KLF12: variants seen among roughly 807,000 people sequenced by gnomAD.
KLF12 encodes the protein KLF transcription factor 12, also known as Krueppel-like factor 12.
In KLF12, 9 loss-of-function variants were observed where a neutral mutation model predicts 37.8. That is an observed-to-expected ratio of 0.24 (90% CI 0.14 to 0.42). The LOEUF (loss-of-function observed/expected upper bound fraction) is 0.42, where lower values mean the gene tolerates loss of function less well. Among genes scored for constraint, KLF12 ranks in the 10% least tolerant of loss-of-function variants. KLF12 has a pLI of 1.00. For missense variants in KLF12, 411 were observed against 516.0 expected, an observed-to-expected ratio of 0.80 and a Z score of 1.97; for synonymous variants, 208 against 202.1, an observed-to-expected ratio of 1.03 and a Z score of -0.25.
At chr13:73,711,154 C>G (rs919195640) in intron 7 of KLF12, among the ~76,000 whole-genome samples, 1 of 152,140 alleles carries the variant, frequency 6.6e-6, no homozygotes, top group African/African-American at 2.4e-5. Context: ...TGGAAGCTAG[C>G]GGAGGTTGGT....
At chr13:73,843,348 AGGC>A (rs1375005744) in intron 4 of KLF12, among the ~76,000 whole-genome samples, 1 of 151,488 alleles carries the variant, frequency 6.6e-6, no homozygotes, top group East Asian at 1.9e-4. Context: ...CCTGTTGCCC[AGGC>A]TGAAGTGCAA....
At chr13:73,807,684 A>C (rs879358114) in intron 5 of KLF12, among the ~76,000 whole-genome samples, 1 of 152,220 alleles carries the variant, frequency 6.6e-6, no homozygotes, top group Non-Finnish European at 1.5e-5. Context: ...GTAGACTACT[A>C]CTAAGCTATG....
Position 73,969,029 on chromosome 13 carries a change from T to TA in KLF12, c.34-24960dup, listed in dbSNP as rs58954841. On this transcript the variant is annotated intron_variant, in intron 2 of 7. Coordinates refer to ENST00000377669, the MANE Select transcript of KLF12 (RefSeq NM_007249.5). The stretch of plus-strand genomic sequence containing the variant: ...CATCTCTCTCCCTTACCCCATACTT[T>TA]AAAAAAAAAAAAAAAACCTATAGCA... 5.5e-4 allele frequency among the ~76,000 whole-genome samples: 81 copies of TA among 147,688 alleles called. No individual in the cohort carries two copies. In the South Asian group the frequency reaches 8.6e-3, roughly 16 times the overall value.
chr13:73,995,822 C>T (rs1162906484), intron 1 of KLF12, among the ~76,000 whole-genome samples: 1 of 152,180 alleles, frequency 6.6e-6, no homozygotes, highest in East Asian at 1.9e-4. Context: ...TCTCTCTCAG[C>T]ATTATGTTAC....
intron 2 of KLF12, among the ~76,000 whole-genome samples, chr13:73,968,953 T>C (rs1013834002): frequency 2.0e-5 from 3 of 152,040 alleles, no homozygotes; most frequent in Non-Finnish European, 4.4e-5. Context: ...TAACCTCCGT[T>C]TGGATTTCCC....
chr13:73,686,526 T>G lies in KLF12; in HGVS notation c.*8964A>C, dbSNP rs754341946. On this transcript the variant is annotated 3_prime_UTR_variant, in exon 8 of 8. Transcript: ENST00000377669. ...AATGCAGAGGAAACTATTGGGAAAT[T>G]AGGTCTTTAGATAAACTGGAGAAAT... 1.3e-5 allele frequency: 2 copies of G among 152,632 alleles called. No individual in the cohort carries two copies. Among genetic ancestry groups the G allele is most frequent in the Non-Finnish European group, 2.9e-5 (2 of 68,026 alleles). 9.5% of individuals were successfully genotyped at this position (152,632 alleles called of 1,614,324 possible).
At chr13:74,066,464 C>T (rs969283798) in intron 1 of KLF12, among the ~76,000 whole-genome samples, 8 of 151,962 alleles carry the variant, frequency 5.3e-5, no homozygotes, top group Non-Finnish European at 1.5e-5. Flanking sequence ...GAGTTCAAGA[C>T]TAGCCTGGGC....
At chr13:73,933,141 A>G (rs1015321743) in intron 3 of KLF12, among the ~76,000 whole-genome samples, 1 of 152,194 alleles carries the variant, frequency 6.6e-6, no homozygotes, top group Non-Finnish European at 1.5e-5. Flanking sequence ...AGACAAGCAC[A>G]TGAAACTATT....
intron 7 of KLF12, among the ~76,000 whole-genome samples, chr13:73,699,279 G>C (rs936558597): frequency 6.7e-5 from 10 of 149,332 alleles, no homozygotes; most frequent in African/African-American, 2.5e-4. Flanking sequence ...CAGCGATTCG[G>C]GAAGCTGAGG....
intron 3 of KLF12, among the ~76,000 whole-genome samples, chr13:73,895,214 T>C (rs1158934227): frequency 6.6e-6 from 1 of 152,246 alleles, no homozygotes; most frequent in African/African-American, 2.4e-5. Context: ...GATTCAGAGC[T>C]GTTCTAGGTG....
At chr13:73,971,682 T>G (rs941956266) in intron 2 of KLF12, among the ~76,000 whole-genome samples, 1 of 152,180 alleles carries the variant, frequency 6.6e-6, no homozygotes, top group Non-Finnish European at 1.5e-5. Context: ...TATGTAAAAC[T>G]ACTGACGTCA....
At chr13:74,124,796 C>A (rs551960728) in intron 1 of KLF12, among the ~76,000 whole-genome samples, 1 of 152,126 alleles carries the variant, frequency 6.6e-6, no homozygotes, top group Admixed American at 6.5e-5. Context: ...AGGGAAATCA[C>A]CACAGCTGCC....
the KLF12 span, among the ~76,000 whole-genome samples, chr13:74,188,824 C>T: frequency 8.0e-4 from 121 of 152,076 alleles, 1 homozygote; most frequent in Admixed American, 4.6e-3. Flanking sequence ...GGCGAAACCC[C>T]GTCTTTACTA....
rs192434084 is a variant in KLF12, at chr13:74,107,017, C to T, written c.-32+26722G>A. ...TTTATTTATCACAGTTCTGGAAGCTCAGAAGTCCAAGATCAAGGCACCAGC... is the reference window on the plus strand; with the variant it reads ...TTTATTTATCACAGTTCTGGAAGCTTAGAAGTCCAAGATCAAGGCACCAGC... On this transcript the variant is annotated intron_variant, in intron 1 of 7. Coordinates refer to ENST00000377669, the MANE Select transcript of KLF12 (RefSeq NM_007249.5). Among the ~76,000 whole-genome samples, 175 of 152,238 alleles carry T rather than the reference C, an allele frequency of 1.1e-3. 1 individual carries two copies. The highest frequency in any genetic ancestry group is 4.1e-3 in the African/African-American group (170 of 41,554).
Position 73,845,983 on chromosome 13 carries a change from G to T in KLF12, c.514C>A (p.Pro172Thr). 6.2e-7 allele frequency: 1 copy of T among 1,614,134 alleles called. No homozygotes were observed. The highest frequency in any genetic ancestry group is 1.6e-4 in the Middle Eastern group (1 of 6,062). The change falls in exon 4 of 8, where the codon CCC becomes ACC. Residue 172 changes from proline to threonine, a missense_variant. Coordinates refer to ENST00000377669, the MANE Select transcript of KLF12 (RefSeq NM_007249.5). ...AGTTTGTTAGACTGTAAATTCATGG[G>T]ACTTGAAGGCGGTACGGGATGGATA...
chr13:73,763,875 C>T (rs1879728684), intron 6 of KLF12, among the ~76,000 whole-genome samples: 1 of 152,150 alleles, frequency 6.6e-6, no homozygotes, highest in Non-Finnish European at 1.5e-5. Context: ...AAGCAAACGC[C>T]TCTGTGCCCC....
the KLF12 span, among the ~76,000 whole-genome samples, chr13:74,166,129 A>G: frequency 1.9e-5 from 2 of 107,304 alleles, no homozygotes; most frequent in East Asian, 5.8e-4. Flanking sequence ...CCTCACTCCC[A>G]TGGCCCAAGG....
the KLF12 span, among the ~76,000 whole-genome samples, chr13:74,201,917 G>T: frequency 6.6e-6 from 1 of 152,096 alleles, no homozygotes; most frequent in African/African-American, 2.4e-5. Context: ...TCATATGGTG[G>T]CCCTGTGTTT....
chr13:74,233,224 TTTG>T, the KLF12 span, among the ~76,000 whole-genome samples: 1 of 152,156 alleles, frequency 6.6e-6, no homozygotes, highest in African/African-American at 2.4e-5. Flanking sequence ...CTATAACTTT[TTTG>T]TTGTTGTCGG....
Sources: gnomAD v4.1 joint callset for allele counts (sites outside exome capture counted in the v4.1 genomes callset) on GRCh38, gnomAD v4.1.1 for gene constraint, MANE v1.5 for transcripts, NCBI Gene and HGNC (gene_info 2026-07-23, HGNC 2026-07-21) for gene names.